The following SNTG1 variants were observed in gnomAD, a reference collection of about 807,000 sequenced individuals.
SNTG1 encodes gamma-1-syntrophin.
In SNTG1, 39 loss-of-function variants were observed where a neutral mutation model predicts 74.7. The observed-to-expected ratio is 0.52, with a 90% CI of 0.40 to 0.68. The LOEUF is 0.68. SNTG1 is among the 30% of genes least tolerant of loss of function. SNTG1 has a pLI of 0.00. For synonymous variants in SNTG1, 254 were observed against 217.1 expected, an observed-to-expected ratio of 1.17 and a Z score of -1.49; for missense variants, 685 against 609.5, an observed-to-expected ratio of 1.12 and a Z score of -1.30.
At chr8:50,103,974 T>G (rs1275315902) in intron 1 of SNTG1, among the ~76,000 whole-genome samples, 1 of 152,222 alleles carries the variant, frequency 6.6e-6, no homozygotes, top group Non-Finnish European at 1.5e-5. Context: ...AGTATTTTAT[T>G]GAGGATTTTT....
At chr8:50,630,939 T>G (rs907043438) in intron 13 of SNTG1, among the ~76,000 whole-genome samples, 1 of 152,174 alleles carries the variant, frequency 6.6e-6, no homozygotes, top group Non-Finnish European at 1.5e-5. Flanking sequence ...CTGGGTTTTA[T>G]GAACTAGAGA....
At chr8:50,150,572 A>T (rs1199475132) in intron 1 of SNTG1, among the ~76,000 whole-genome samples, 1 of 152,164 alleles carries the variant, frequency 6.6e-6, no homozygotes, top group Non-Finnish European at 1.5e-5. Context: ...CGTCCCATTA[A>T]TACCTAATTT....
intron 5 of SNTG1, among the ~76,000 whole-genome samples, chr8:50,444,941 C>A (rs975688160): frequency 6.6e-6 from 1 of 152,048 alleles, no homozygotes; most frequent in South Asian, 2.1e-4. Flanking sequence ...TTAAAGTGTA[C>A]AATTAAATTG....
At chr8:50,408,781 A>G (rs148271966) in intron 4 of SNTG1, among the ~76,000 whole-genome samples, 1 of 152,298 alleles carries the variant, frequency 6.6e-6, no homozygotes, top group African/African-American at 2.4e-5. Context: ...ATTCCTGGAC[A>G]TATTGTAGGG....
chr8:49,921,446 C>T (rs1806540043), intron 1 of SNTG1, among the ~76,000 whole-genome samples: 1 of 152,024 alleles, frequency 6.6e-6, no homozygotes, highest in Admixed American at 6.6e-5. Flanking sequence ...ACTGTCAGAT[C>T]CTCAAGATCA....
intron 13 of SNTG1, among the ~76,000 whole-genome samples, chr8:50,594,969 ATAATC>A (rs1271428403): frequency 5.9e-5 from 9 of 151,892 alleles, no homozygotes; most frequent in Non-Finnish European, 1.2e-4. Flanking sequence ...CCTAAAATTT[ATAATC>A]TAATCAGTTG....
At chr8:49,969,963 C>T (rs118155261) in intron 1 of SNTG1, among the ~76,000 whole-genome samples, 12 of 151,310 alleles carry the variant, frequency 7.9e-5, no homozygotes, top group Non-Finnish European at 1.3e-4. Flanking sequence ...GGCTGGTGTG[C>T]TATTGAATCC....
upstream of SNTG1, among the ~76,000 whole-genome samples, chr8:49,910,230 G>T (rs1385046936): frequency 7.9e-5 from 12 of 152,166 alleles, no homozygotes; most frequent in African/African-American, 2.7e-4. Flanking sequence ...GGGAGGCCAG[G>T]AGCAGGCGTC....
intron 15 of SNTG1, among the ~76,000 whole-genome samples, chr8:50,673,200 C>T (rs1156811943): frequency 6.6e-6 from 1 of 152,026 alleles, no homozygotes; most frequent in Non-Finnish European, 1.5e-5. Context: ...GTAGTTTTTC[C>T]TAATTTTGTG....
At chr8:49,966,688 C>T (rs1811173006) in intron 1 of SNTG1, among the ~76,000 whole-genome samples, 1 of 152,116 alleles carries the variant, frequency 6.6e-6, no homozygotes, top group African/African-American at 2.4e-5. Context: ...AGCCACCACG[C>T]CCAGCCTATT....
At chr8:50,612,417 C>T (rs961398649) in intron 13 of SNTG1, among the ~76,000 whole-genome samples, 4 of 152,126 alleles carry the variant, frequency 2.6e-5, no homozygotes, top group African/African-American at 9.7e-5. Context: ...AATGCTTTCT[C>T]TAAATTTCTC....
intron 1 of SNTG1, among the ~76,000 whole-genome samples, chr8:49,947,743 G>A (rs1809330818): frequency 6.6e-6 from 1 of 152,102 alleles, no homozygotes; most frequent in Non-Finnish European, 1.5e-5. Flanking sequence ...TCAAATCACA[G>A]GAGCTTAACA....
At chr8:50,693,797 A>T (rs1471585101) in intron 15 of SNTG1, among the ~76,000 whole-genome samples, 1 of 152,236 alleles carries the variant, frequency 6.6e-6, no homozygotes, top group African/African-American at 2.4e-5. Flanking sequence ...AGAAATCAAT[A>T]ACAGTAAGGA....
At chr8:50,216,547 C>A (rs2084800636) in intron 2 of SNTG1, among the ~76,000 whole-genome samples, 2 of 151,992 alleles carry the variant, frequency 1.3e-5, no homozygotes, top group South Asian at 2.1e-4. Flanking sequence ...TCTATCACAT[C>A]CTTTTGTTAT....
intron 15 of SNTG1, among the ~76,000 whole-genome samples, chr8:50,660,402 AAAGAAAGAAAAGAAAGAAAGAAAG>A (rs138498943): frequency 0.65 from 79,326 of 122,616 alleles, 23,922 homozygotes; most frequent in East Asian, 0.77. Flanking sequence ...AGAAAAAGAG[AAAGAAAGAAAAGAAAGAAAGAAAG>A]AAGAAAGAAA....
chr8:50,077,605 T>C, intron 1 of SNTG1, among the ~76,000 whole-genome samples: 1 of 152,170 alleles, frequency 6.6e-6, no homozygotes, highest in East Asian at 1.9e-4. Context: ...AATTCACCCA[T>C]TGCAACAGAT....
chr8:50,315,667 C>G (rs866778156), intron 2 of SNTG1, among the ~76,000 whole-genome samples: 3 of 139,858 alleles, frequency 2.1e-5, no homozygotes, highest in Middle Eastern at 3.4e-3. Context: ...TGTAGTGATT[C>G]TAAGAATGTT....
intron 1 of SNTG1, among the ~76,000 whole-genome samples, chr8:50,003,432 G>A (rs1014043879): frequency 2.0e-5 from 3 of 151,948 alleles, no homozygotes; most frequent in African/African-American, 7.3e-5. Context: ...AAATCTTCAC[G>A]GAAACTGGCA....
At position 50,402,334 on chromosome 8, in the gene SNTG1, TC is replaced by T. The variant is rs2092817413; in HGVS notation, c.153del (p.Tyr52IlefsTer7). 1 of 1,596,384 alleles carries T rather than the reference TC, an allele frequency of 6.3e-7. No individual in the cohort carries two copies. Among genetic ancestry groups the T allele is most frequent in the African/African-American group, 1.4e-5 (1 of 73,636 alleles). On this transcript the variant is annotated frameshift_variant, in exon 4 of 19. Coordinates refer to ENST00000642720, the MANE Select transcript of SNTG1 (RefSeq NM_018967.5). LOFTEE classifies it high-confidence loss of function. ...GTGATATGTGTGTCTGGTGAGCCTT[TC>T]TATTCTGGTGTAAGTAGCTTTTTCT... ...QDVICVSGEPFYSGERTVTIR... is the reference protein window; with the variant it reads ...QDVICVSGEPXYSGERTVTIR...
Sources: allele counts gnomAD v4.1 joint callset (sites outside exome capture counted in the v4.1 genomes callset), GRCh38; gene constraint gnomAD v4.1.1; transcripts MANE v1.5; gene names NCBI Gene and HGNC (gene_info 2026-07-23, HGNC 2026-07-21).